ZNF862: variants seen among roughly 807,000 people sequenced by gnomAD.
ZNF862 encodes the protein zinc finger protein 862.
In ZNF862, 64 loss-of-function variants were observed where a neutral mutation model predicts 91.1. That is an observed-to-expected ratio of 0.70 (90% confidence interval 0.57 to 0.87). The LOEUF (loss-of-function observed/expected upper bound fraction) is 0.87, where lower values mean the gene tolerates loss of function less well. Ranked by LOEUF, ZNF862 falls within the 40% of genes least tolerant of loss-of-function variation. ZNF862 has a pLI of 0.00. For missense variants in ZNF862, 1,459 were observed against 1,528.0 expected (o/e 0.95, Z 0.75); for synonymous variants, 631 against 618.1 (o/e 1.02, Z -0.31).
At chr7:149,852,189 A>G (rs990668085) in intron 5 of ZNF862, 5 of 151,878 alleles carry the variant, frequency 3.3e-5, no homozygotes, top group African/African-American at 2.4e-5. Flanking sequence ...AGATTCTTTA[A>G]TTGTTATTAT....
At chr7:149,857,642 CCCTGTGCATGGCTGCAGA>C (rs1251887332) in intron 5 of ZNF862, among the ~76,000 whole-genome samples, 3 of 152,096 alleles carry the variant, frequency 2.0e-5, no homozygotes, top group Non-Finnish European at 4.4e-5. Flanking sequence ...GGACTGGAAG[CCCTGTGCATGGCTGCAGA>C]CCTGTGCATG....
At chr7:149,863,681 C>T (rs1802602821) in intron 7 of ZNF862, among the ~76,000 whole-genome samples, 1 of 152,190 alleles carries the variant, frequency 6.6e-6, no homozygotes, top group Non-Finnish European at 1.5e-5. Context: ...CCAAACACTG[C>T]CAAACTACGC....
Position 149,861,878 on chromosome 7 carries a change from C to T in ZNF862, c.2718C>T (p.Cys906=), listed in dbSNP as rs530562248. 1.2e-5 allele frequency: 19 copies of T among 1,613,742 alleles called. No individual in the cohort carries two copies. In the East Asian group the frequency reaches 4.0e-4, roughly 34 times the overall value. The part of the protein sequence containing the change: ...SFKDGRLHGI[C]LDKLEVAEQR... The stretch of plus-strand genomic sequence containing the variant: ...AGGATGGGCGGCTCCACGGCATCTG[C>T]TTGGACAAACTGGAGGTAGCGGAAC... The change falls in exon 7 of 8, where the codon TGC becomes TGT. Residue 906 remains cysteine, a synonymous_variant. Coordinates refer to ENST00000223210, the MANE Select transcript of ZNF862 (RefSeq NM_001099220.3). The surrounding 1 kb of genome is among the most constrained non-coding windows in gnomAD (Gnocchi z 6.7).
rs745474043 is a variant in ZNF862, at chr7:149,855,030, A to G, written c.1118-4392A>G. On this transcript the variant is annotated intron_variant, in intron 5 of 7. Transcript: ENST00000223210. This position sits in a 1 kb window ranked among gnomAD's most constrained non-coding sequence, Gnocchi z 4.1. Reference sequence around the variant, plus strand: ...GTGAGGGCCCTGGAGCCCATGTTCGAATCCCACCTACTACCTATGAAAGGG... The same window carrying G: ...GTGAGGGCCCTGGAGCCCATGTTCGGATCCCACCTACTACCTATGAAAGGG... Among the ~76,000 whole-genome samples, 4 of 152,232 alleles carry G rather than the reference A, an allele frequency of 2.6e-5. No individual in the cohort carries two copies. Among genetic ancestry groups the G allele is most frequent in the Non-Finnish European group, 4.4e-5 (3 of 68,038 alleles).
At position 149,860,428 on chromosome 7, in the gene ZNF862, C is replaced by T. The variant is rs753291542; in HGVS notation, c.1268C>T (p.Ser423Leu). 28 of 1,613,650 alleles carry T rather than the reference C, an allele frequency of 1.7e-5. No homozygotes were observed. The highest frequency in any genetic ancestry group is 8.3e-5 in the Admixed American group (5 of 59,958). ...GTGAGAGAGGCAGACACACAGGCCT[C>T]GGCTGCAGACTCCGCGTTGCTTCCA... ...VAVREADTQA[S>L]AADSALLPGS... The change falls in exon 7 of 8, where the codon TCG (serine) becomes TTG (leucine). Residue 423 changes from serine to leucine, a missense_variant. Coordinates refer to ENST00000223210, the MANE Select transcript of ZNF862 (RefSeq NM_001099220.3).
intron 5 of ZNF862, chr7:149,856,085 G>A (rs975241905): frequency 7.9e-5 from 12 of 152,330 alleles, no homozygotes; most frequent in Admixed American, 7.8e-4. Context: ...GATGGGCGCA[G>A]GCTGGAGCCA....
At chr7:149,858,126 C>T (rs999382665) in intron 5 of ZNF862, among the ~76,000 whole-genome samples, 3 of 152,296 alleles carry the variant, frequency 2.0e-5, no homozygotes, top group Non-Finnish European at 4.4e-5. Context: ...CCATCCACCA[C>T]GTTCTCCCAT....
rs1343305853 is a variant in ZNF862 at position 149,838,443 on chromosome 7, G to C, written c.-169G>C. The C allele has an allele frequency of 4.8e-6, 2 of 416,838 alleles. No individual in the cohort carries two copies. The highest frequency in any genetic ancestry group is 8.2e-6 in the Non-Finnish European group (2 of 243,644). The allele number at this position is 416,838 out of a possible 1,614,324, so 25.8% of individuals were successfully genotyped here. A position where few individuals can be genotyped will look rare whatever the true frequency, so the allele number is the denominator to read the frequency against. On this transcript the variant is annotated 5_prime_UTR_variant, in exon 1 of 8. Coordinates refer to ENST00000223210, the MANE Select transcript of ZNF862 (RefSeq NM_001099220.3). ...TCAGCGCGCTTATCCTGGGTCCACC[G>C]GCGCTACCGCCCCCCGACGTGAGAG...
chr7:149,858,818 A>T (rs1305345019), intron 5 of ZNF862: 3 of 152,952 alleles, frequency 2.0e-5, no homozygotes, highest in Admixed American at 6.5e-5. Context: ...CCTTTCAAAA[A>T]CCCATGTAGT....
chr7:149,843,504 GTTTT>G lies in ZNF862; in HGVS notation c.25-1116_25-1113del, dbSNP rs57060501. Reference sequence around the variant, plus strand: ...TCTTTGATGGTGTAGCTTGATGATAGTTTTTTTTAAGTTTTTTTCTCCATGCCTT... The same window carrying G: ...TCTTTGATGGTGTAGCTTGATGATAGTTTTAAGTTTTTTTCTCCATGCCTT... On this transcript the variant is annotated intron_variant, in intron 1 of 7. Coordinates refer to ENST00000223210, the MANE Select transcript of ZNF862 (RefSeq NM_001099220.3). Among the ~76,000 whole-genome samples the G allele has an allele frequency of 2.6e-5, 4 of 151,988 alleles. No homozygotes were observed. In the East Asian group the frequency reaches 5.8e-4, roughly 22 times the overall value.
rs192095091 is a variant in ZNF862 at position 149,855,425 on chromosome 7, G to T, written c.1118-3997G>T. On this transcript the variant is annotated intron_variant, in intron 5 of 7. Coordinates refer to ENST00000223210, the MANE Select transcript of ZNF862 (RefSeq NM_001099220.3). The surrounding 1 kb of genome is among the most constrained non-coding windows in gnomAD (Gnocchi z 4.1). ...TCTGGACCCATGCCATAGGAAGAAA[G>T]GGGCTCCTCTTCTCCCACCCCCTGC... is the stretch of plus-strand genomic sequence containing the variant. 4.7e-3 allele frequency among the ~76,000 whole-genome samples: 717 copies of T among 152,290 alleles called. 5 individuals are homozygous for T. Among genetic ancestry groups the T allele is most frequent in the African/African-American group, 0.016 (684 of 41,562 alleles).
chr7:149,840,187 TAAAAAAAAAAA>T (rs60721842), intron 1 of ZNF862, among the ~76,000 whole-genome samples: 804 of 41,320 alleles, frequency 0.019, 8 homozygotes, highest in African/African-American at 0.057. Context: ...GCTTAAAAAG[TAAAAAAAAAAA>T]AAAAAAAAAA....
chr7:149,852,337 T>TGTG (rs1554448262), intron 5 of ZNF862, among the ~76,000 whole-genome samples: 9 of 140,408 alleles, frequency 6.4e-5, no homozygotes, highest in Admixed American at 1.4e-4. Flanking sequence ...GAACTCAGTT[T>TGTG]TGTGTGTGTG....
In ZNF862 at chr7:149,846,272, A is replaced by C. The variant is rs1801868939; in HGVS notation, c.241+17A>C. 6.3e-7 allele frequency: 1 copy of C among 1,595,370 alleles called. No homozygotes were observed. Among genetic ancestry groups the C allele is most frequent in the East Asian group, 2.2e-5 (1 of 44,740 alleles). ...ATCACCCAGGTGAGTGTGGAACTGC[A>C]CTCAGGGGCAGATGCTTGGCTGGAG... On this transcript the variant is annotated intron_variant, in intron 3 of 7. Transcript: ENST00000223210.
At position 149,838,570 on chromosome 7, in the gene ZNF862, C is replaced by T; in HGVS notation, c.-42C>T. 8.3e-7 allele frequency: 1 copy of T among 1,205,104 alleles called. No homozygotes were observed. Among genetic ancestry groups the T allele is most frequent in the East Asian group, 3.2e-5 (1 of 31,582 alleles). The allele number at this position is 1,205,104 out of a possible 1,614,324, so 74.7% of individuals were successfully genotyped here. A position where few individuals can be genotyped will look rare whatever the true frequency, so the allele number is the denominator to read the frequency against. ...GCGGCGGCTGCATCCTCAGGCCAGG[C>T]CGCGGGGGGAGGGGGCGGCACGGGC... On this transcript the variant is annotated 5_prime_UTR_variant, in exon 1 of 8. Coordinates refer to ENST00000223210, the MANE Select transcript of ZNF862 (RefSeq NM_001099220.3).
chr7:149,852,225 T>C (rs1177008005), intron 5 of ZNF862: 1 of 152,082 alleles, frequency 6.6e-6, no homozygotes, highest in Non-Finnish European at 1.5e-5. Flanking sequence ...TTGTTTTTTT[T>C]TTTATTTCCC....
At chr7:149,847,151 C>T (rs1267800468) in intron 3 of ZNF862, among the ~76,000 whole-genome samples, 2 of 152,210 alleles carry the variant, frequency 1.3e-5, no homozygotes, top group Non-Finnish European at 2.9e-5. Flanking sequence ...TGAGAGTCCT[C>T]ATCTGTTCGA....
chr7:149,859,643 C>G (rs898770065), intron 6 of ZNF862, 117 bp downstream of exon 6: 5 of 824,380 alleles, frequency 6.1e-6, no homozygotes, highest in African/African-American at 1.7e-5. Flanking sequence ...GGGCACCAAG[C>G]CTGGCAGGAG....
intron 1 of ZNF862, among the ~76,000 whole-genome samples, chr7:149,840,196 A>AAAAAAAAAAAAAAAAAAAAAAAAAT (rs1801656256): frequency 6.9e-6 from 1 of 145,132 alleles, no homozygotes; most frequent in Non-Finnish European, 1.5e-5. Context: ...GTAAAAAAAA[A>AAAAAAAAAAAAAAAAAAAAAAAAAT]AAAAAAAAAA....
Sources: allele counts gnomAD v4.1 joint callset (sites outside exome capture counted in the v4.1 genomes callset), GRCh38; gene constraint gnomAD v4.1.1; non-coding constraint Gnocchi (gnomAD v3.1); transcripts MANE v1.5; gene names NCBI Gene and HGNC (gene_info 2026-07-23, HGNC 2026-07-21).